Variants in EPC1 observed in about 807,000 individuals in gnomAD.
EPC1 encodes enhancer of polycomb 1, also known as enhancer of polycomb homolog 1.
In EPC1, 12 loss-of-function variants were observed where a neutral mutation model predicts 98.4. The observed-to-expected ratio is 0.12, with a 90% confidence interval of 0.08 to 0.20. The LOEUF is 0.20. Among genes scored for constraint, EPC1 ranks in the 10% least tolerant of loss-of-function variants. The pLI is 1.00. For synonymous variants in EPC1, 357 were observed against 363.9 expected, an observed-to-expected ratio of 0.98 and a Z score of 0.21; for missense variants, 729 against 990.5, an observed-to-expected ratio of 0.74 and a Z score of 3.54.
At chr10:32,298,490 T>C (rs986473721) in intron 2 of EPC1, among the ~76,000 whole-genome samples, 2 of 152,204 alleles carry the variant, frequency 1.3e-5, no homozygotes, top group African/African-American at 4.8e-5. Context: ...ACACGAGCAC[T>C]AACTGCATGA....
In EPC1 at chr10:32,345,621, G is replaced by A. The variant is rs1044581836; in HGVS notation, c.153+1142C>T. 4 of 985,280 alleles carry A rather than the reference G, an allele frequency of 4.1e-6. No individual in the cohort carries two copies. In the African/African-American group the frequency reaches 5.2e-5, roughly 13 times the overall value. The allele number at this position is 985,280 out of a possible 1,614,324, so 61.0% of individuals were successfully genotyped here. ...GAAGTCATCAAGTTATACTGTCAAG[G>A]ATCTGGGGGAAATGAGAGGAAGATT... On this transcript the variant is annotated intron_variant, in intron 1 of 13. Coordinates refer to ENST00000319778, the MANE Select transcript of EPC1 (RefSeq NM_001272004.3).
chr10:32,281,767 C>G (rs1223124969), intron 10 of EPC1: 1 of 151,734 alleles, frequency 6.6e-6, no homozygotes, highest in Non-Finnish European at 1.5e-5. Context: ...CTCCCAGGTT[C>G]AAGCCATTCT....
In EPC1 at chr10:32,306,530, C is replaced by T. The variant is rs548139330; in HGVS notation, c.154-599G>A. ...TATGTGTAGGGGCAGAAAGCACATT[C>T]TCTGGACTCAGGCTGTCTGATTAGA... On this transcript the variant is annotated intron_variant, in intron 1 of 13. Transcript: ENST00000319778. 3.3e-3 allele frequency among the ~76,000 whole-genome samples: 506 copies of T among 152,246 alleles called. 3 individuals are homozygous for T. Among genetic ancestry groups the T allele is most frequent in the Non-Finnish European group, 5.6e-3 (383 of 68,018 alleles).
chr10:32,289,526 G>C (rs1321011444), intron 6 of EPC1, among the ~76,000 whole-genome samples: 1 of 151,786 alleles, frequency 6.6e-6, no homozygotes, highest in Non-Finnish European at 1.5e-5. Context: ...AAAAAAACCT[G>C]AGTGAGCATG....
rs369842481 is a variant in EPC1 at position 32,291,199 on chromosome 10, C to T, written c.939G>A (p.Gln313=). 1.2e-5 allele frequency: 20 copies of T among 1,613,740 alleles called. No individual in the cohort carries two copies. The Admixed American group carries it at 1.7e-4, about 13-fold the overall frequency. The change falls in exon 6 of 14, where the codon CAG becomes CAA. Residue 313 remains glutamine (Q), a synonymous_variant. Coordinates refer to ENST00000319778, the MANE Select transcript of EPC1 (RefSeq NM_001272004.3). ...PITNSSQFKH[Q]EAMDVKEFKV... is the part of the protein sequence containing the mutation. ...TGAACTCCTTCACATCCATTGCTTC[C>T]TGGTGTTTAAATTGACTGCTATTAG...
intron 1 of EPC1, among the ~76,000 whole-genome samples, chr10:32,337,675 A>G (rs1220014363): frequency 2.0e-5 from 3 of 152,176 alleles, no homozygotes; most frequent in Non-Finnish European, 1.5e-5. Flanking sequence ...TTTTTAAAAG[A>G]AATCATTTGC....
rs1418342225 is a variant in EPC1, at chr10:32,309,307, A to G, written c.154-3376T>C. ...GGAAAGTTCCTAAGACAAAGAAATG[A>G]TAAATGCTGAAGTGATGTATGTCCC... On this transcript the variant is annotated intron_variant, in intron 1 of 13. Coordinates refer to ENST00000319778, the MANE Select transcript of EPC1 (RefSeq NM_001272004.3). Among the ~76,000 whole-genome samples, 4 of 152,170 alleles carry G rather than the reference A, an allele frequency of 2.6e-5. 1 individual carries two copies. The highest frequency in any genetic ancestry group is 9.7e-5 in the African/African-American group (4 of 41,444).
chr10:32,289,530 G>A (rs183095348), intron 6 of EPC1, among the ~76,000 whole-genome samples: 4 of 151,938 alleles, frequency 2.6e-5, no homozygotes, highest in African/African-American at 4.8e-5. Context: ...AAACCTGAGT[G>A]AGCATGATAT....
At chr10:32,341,103 CTT>C (rs1174933088) in intron 1 of EPC1, among the ~76,000 whole-genome samples, 2 of 152,226 alleles carry the variant, frequency 1.3e-5, no homozygotes, top group African/African-American at 4.8e-5. Flanking sequence ...TTGTGCATCT[CTT>C]CTTCTAAGAA....
intron 1 of EPC1, among the ~76,000 whole-genome samples, chr10:32,364,519 C>T (rs1198637815): frequency 6.6e-6 from 1 of 152,170 alleles, no homozygotes; most frequent in African/African-American, 2.4e-5. Context: ...GCTCTGCCAC[C>T]ACCTAGTTGA....
intron 9 of EPC1, chr10:32,285,611 G>C (rs1325463981): frequency 6.6e-6 from 1 of 152,406 alleles, no homozygotes; most frequent in Non-Finnish European, 1.5e-5. Context: ...CCGAGTAGCT[G>C]AGATTACAGG....
At chr10:32,331,209 G>A (rs1837620157) in intron 1 of EPC1, among the ~76,000 whole-genome samples, 1 of 151,986 alleles carries the variant, frequency 6.6e-6, no homozygotes, top group Non-Finnish European at 1.5e-5. Context: ...TTAATTAACT[G>A]GGCATGGTGG....
intron 1 of EPC1, among the ~76,000 whole-genome samples, chr10:32,365,716 G>A (rs1839580295): frequency 6.6e-6 from 1 of 150,618 alleles, no homozygotes; most frequent in Non-Finnish European, 1.5e-5. Flanking sequence ...CTATTTGGGG[G>A]GCCGAGGCAG....
In EPC1 at chr10:32,292,989, T is replaced by A; in HGVS notation, c.665A>T (p.Lys222Ile). Residue 222 changes from lysine (K) to isoleucine (I), a missense_variant and splice_region_variant, in exon 4 of 14, where the codon AAA becomes ATA. By Grantham distance (102) the Lys-to-Ile change is moderately radical. This residue lies in a region of EPC1 where 39 missense variants were observed against 94.9 expected (regional missense o/e 0.41). Transcript: ENST00000319778. ...AAAAAATTCTTCAAATTCACTTACTTTTCGAGTCTGCATTTTTTCAGTACG... is the reference window on the plus strand; with the variant it reads ...AAAAAATTCTTCAAATTCACTTACTATTCGAGTCTGCATTTTTTCAGTACG... ...RRRTEKMQTR[K>I]NRKNDEASYE... 1 of 1,562,952 alleles carries A rather than the reference T, an allele frequency of 6.4e-7. No individual in the cohort carries two copies. Among genetic ancestry groups the A allele is most frequent in the Non-Finnish European group, 8.7e-7 (1 of 1,155,170 alleles).
chr10:32,358,605 A>C (rs1475018430), intron 1 of EPC1, among the ~76,000 whole-genome samples: 1 of 136,248 alleles, frequency 7.3e-6, no homozygotes, highest in Non-Finnish European at 1.5e-5. Context: ...TGATCGCGTC[A>C]CTGCACTCCA....
rs111313165 is a variant in EPC1 at position 32,360,971 on chromosome 10, C to A, written c.3+17520G>T. ...CAATGAGAATTCCTGTCAAACAGCCCGTTCCTTATTCTCTTTTGCCTTTAA... is the reference window on the plus strand; with the variant it reads ...CAATGAGAATTCCTGTCAAACAGCCAGTTCCTTATTCTCTTTTGCCTTTAA... On this transcript the variant is annotated intron_variant, in intron 1 of 13. Coordinates refer to the EPC1 transcript ENST00000375110. 3.2e-3 allele frequency among the ~76,000 whole-genome samples: 491 copies of A among 152,194 alleles called. 2 individuals carry two copies. The highest frequency in any genetic ancestry group is 0.011 in the African/African-American group (461 of 41,514).
chr10:32,346,740 C>CG, intron 1 of EPC1, 23 bp downstream of exon 1: 1 of 1,607,002 alleles, frequency 6.2e-7, no homozygotes, highest in East Asian at 2.2e-5. Context: ...GACGGTGGGT[C>CG]GGACAGGGGA....
intron 1 of EPC1, among the ~76,000 whole-genome samples, chr10:32,355,758 G>A (rs1182147305): frequency 3.3e-5 from 5 of 151,794 alleles, no homozygotes; most frequent in Non-Finnish European, 5.9e-5. Context: ...CTACAGGCGT[G>A]CGCCACCACA....
intron 1 of EPC1, among the ~76,000 whole-genome samples, chr10:32,357,681 C>A (rs114048239): frequency 0.012 from 1,883 of 151,912 alleles, 45 homozygotes; most frequent in African/African-American, 0.044. Context: ...GCTGATCTTG[C>A]ACTCCTGACC....
Sources: gnomAD v4.1 joint callset for allele counts (sites outside exome capture counted in the v4.1 genomes callset) on GRCh38, gnomAD v4.1.1 for gene constraint, gnomAD v4.1.1 regional missense constraint, MANE v1.5 for transcripts, NCBI Gene and HGNC (gene_info 2026-07-23, HGNC 2026-07-21) for gene names.